Variants in CREBBP observed in about 807,000 individuals in gnomAD.
CREBBP encodes CREB binding lysine acetyltransferase, also known as CREB-binding protein.
CREBBP carries 19 observed loss-of-function variants against 265.0 expected under a neutral mutation model. The ratio of observed to expected loss-of-function variants is 0.07; its 90% CI spans 0.05 to 0.11. The LOEUF (loss-of-function observed/expected upper bound fraction) is 0.11. CREBBP is among the 10% of genes least tolerant of loss of function. The pLI, the probability that CREBBP is intolerant of heterozygous loss-of-function variation, is 1.00. For synonymous variants in CREBBP, 1,457 were observed against 1,223.7 expected, an observed-to-expected ratio of 1.19 and a Z score of -3.98; for missense variants, 2,525 against 3,219.0, an observed-to-expected ratio of 0.78 and a Z score of 5.22.
At chr16:3,774,000 G>A (rs2141217748) in intron 12 of CREBBP, 70 bp from the exon 13 acceptor site, 1 of 1,551,384 alleles carries the variant, frequency 6.4e-7, no homozygotes, top group Non-Finnish European at 8.9e-7. Flanking sequence ...AGGTGAGCCA[G>A]AATGATCCAA....
chr16:3,879,707 G>C (rs971011119), intron 1 of CREBBP, 125 bp downstream of exon 1: 1 of 1,036,434 alleles, frequency 9.6e-7, no homozygotes, highest in African/African-American at 1.6e-5. Context: ...GAGGGGAACG[G>C]GCTGCGGGGC....
rs186721435 is a variant in CREBBP, at chr16:3,762,673, C to A, written c.3251-3701G>T. Among the ~76,000 whole-genome samples, 983 of 152,300 alleles carry A rather than the reference C, an allele frequency of 6.5e-3. 5 individuals are homozygous for A. The highest frequency in any genetic ancestry group is 0.011 in the Non-Finnish European group (774 of 68,014). The stretch of plus-strand genomic sequence containing the variant: ...AACGCGGCTCTCGAGCCCTTGGAGG[C>A]TGCTGTCTCATATCGCAGTCCCCAG... On this transcript the variant is annotated intron_variant, in intron 16 of 30. Coordinates refer to ENST00000262367, the MANE Select transcript of CREBBP (RefSeq NM_004380.3).
chr16:3,779,073 A>G (rs965327965), intron 8 of CREBBP, among the ~76,000 whole-genome samples: 19 of 151,972 alleles, frequency 1.3e-4, no homozygotes, highest in African/African-American at 4.3e-4. Flanking sequence ...AGGCTGAGGC[A>G]AGAGAATTGC....
At chr16:3,815,129 C>T (rs987534734) in intron 2 of CREBBP, among the ~76,000 whole-genome samples, 1 of 152,170 alleles carries the variant, frequency 6.6e-6, no homozygotes, top group Non-Finnish European at 1.5e-5. Flanking sequence ...CACTGTGGTC[C>T]CCCACCCTAG....
At chr16:3,806,321 C>G (rs2141332349) in intron 3 of CREBBP, among the ~76,000 whole-genome samples, 1 of 152,282 alleles carries the variant, frequency 6.6e-6, no homozygotes, top group Admixed American at 6.5e-5. Context: ...TGTCCACAAC[C>G]TCCACTCCAA....
intron 1 of CREBBP, among the ~76,000 whole-genome samples, chr16:3,869,320 G>C (rs111587029): frequency 6.6e-6 from 1 of 152,218 alleles, no homozygotes; most frequent in East Asian, 1.9e-4. Context: ...TGGATCGCCA[G>C]GGCCTACATC....
At chr16:3,796,936 C>A (rs2053619690) in intron 3 of CREBBP, among the ~76,000 whole-genome samples, 1 of 152,156 alleles carries the variant, frequency 6.6e-6, no homozygotes, top group Non-Finnish European at 1.5e-5. Context: ...CCATGGAATT[C>A]TGTATATTTG....
intron 12 of CREBBP, 39 bp downstream of exon 12, chr16:3,774,530 G>A: frequency 6.2e-7 from 1 of 1,613,242 alleles, no homozygotes; most frequent in Non-Finnish European, 8.5e-7. Context: ...CCATGTGAGA[G>A]GGAGGGCTAT....
intron 24 of CREBBP, among the ~76,000 whole-genome samples, 168 bp downstream of exon 24, chr16:3,740,231 A>G (rs554111268): frequency 6.6e-6 from 1 of 152,354 alleles, no homozygotes; most frequent in East Asian, 1.9e-4. Context: ...GTATAGGGTA[A>G]CTAAAACCCC....
intron 15 of CREBBP, 92 bp from the exon 16 acceptor site, chr16:3,768,001 T>C (rs947590375): frequency 1.6e-6 from 2 of 1,269,708 alleles, no homozygotes; most frequent in African/African-American, 1.5e-5. Context: ...CTAAAACAGG[T>C]TTGTTAAAAC....
rs75889363 is a variant in CREBBP at position 3,836,919 on chromosome 16, C to T, written c.798+13378G>A. On this transcript the variant is annotated intron_variant, in intron 2 of 30. Coordinates refer to ENST00000262367, the MANE Select transcript of CREBBP (RefSeq NM_004380.3). ...AGGCATTACTCAGGTGTCTGTGATG[C>T]TGCTGGTGTAAACAAATCAATGCAC... Among the ~76,000 whole-genome samples the T allele has an allele frequency of 5.4e-3, 820 of 152,312 alleles. 5 individuals are homozygous for T. Among genetic ancestry groups the T allele is most frequent in the East Asian group, 0.011 (58 of 5,192 alleles).
At chr16:3,824,581 T>A (rs1294386129) in intron 2 of CREBBP, among the ~76,000 whole-genome samples, 1 of 152,184 alleles carries the variant, frequency 6.6e-6, no homozygotes, top group Non-Finnish European at 1.5e-5. Flanking sequence ...TGCTCTGATC[T>A]CTGCATTCAA....
chr16:3,822,993 C>CT (rs1388083033), intron 2 of CREBBP, among the ~76,000 whole-genome samples: 1 of 152,120 alleles, frequency 6.6e-6, no homozygotes, highest in African/African-American at 2.4e-5. Flanking sequence ...AAAGGTGACT[C>CT]TGATTACTGA....
intron 10 of CREBBP, 82 bp from the exon 11 acceptor site, chr16:3,777,739 A>G (rs2053178765): frequency 8.5e-6 from 13 of 1,527,132 alleles, no homozygotes; most frequent in Middle Eastern, 1.7e-4. Flanking sequence ...GAAATTTCTT[A>G]TTAGGACTTC....
chr16:3,800,708 G>A (rs1270732074), intron 3 of CREBBP, among the ~76,000 whole-genome samples: 1 of 152,036 alleles, frequency 6.6e-6, no homozygotes, highest in East Asian at 1.9e-4. Flanking sequence ...AACATAGCAA[G>A]ACCCTGTTGC....
At chr16:3,732,410 G>A (rs1052965377) in intron 28 of CREBBP, among the ~76,000 whole-genome samples, 17 of 152,126 alleles carry the variant, frequency 1.1e-4, no homozygotes, top group African/African-American at 4.1e-4. Flanking sequence ...AGGCCCCTGC[G>A]GGGTCCACTC....
At chr16:3,758,176 A>T in intron 17 of CREBBP, 128 bp from the exon 18 acceptor site, 1 of 960,456 alleles carries the variant, frequency 1.0e-6, no homozygotes, top group Non-Finnish European at 1.5e-6. Context: ...CCCAACAGTA[A>T]GAAATAGGAA....
intron 1 of CREBBP, 135 bp from the exon 2 acceptor site, chr16:3,851,144 T>C (rs979661351): frequency 1.5e-5 from 12 of 775,168 alleles, no homozygotes; most frequent in Non-Finnish European, 2.6e-5. Context: ...TGTCATTAGC[T>C]GGGTGTGGTA....
chr16:3,739,482 T>C (rs1413305584), intron 25 of CREBBP, 96 bp downstream of exon 25: 1 of 1,455,928 alleles, frequency 6.9e-7, no homozygotes. Flanking sequence ...TAATCCCCTA[T>C]GAAGGCTCAC....
Sources: allele counts gnomAD v4.1 joint callset (sites outside exome capture counted in the v4.1 genomes callset), GRCh38; gene constraint gnomAD v4.1.1; transcripts MANE v1.5; gene names NCBI Gene and HGNC (gene_info 2026-07-23, HGNC 2026-07-21).